SUMF1: variants seen among roughly 807,000 people sequenced by gnomAD.
SUMF1 encodes formylglycine-generating enzyme.
Under a neutral mutation model 47.6 loss-of-function variants are expected in SUMF1, and 48 were observed. That is an observed-to-expected ratio of 1.01 (90% CI 0.80 to 1.28). The LOEUF is 1.28. Among genes scored for constraint, SUMF1 ranks in the 50% most tolerant of loss-of-function variants. The pLI is 0.00. For missense variants in SUMF1, 571 were observed against 485.4 expected (o/e 1.18, Z -1.66); for synonymous variants, 230 against 192.1 (o/e 1.20, Z -1.63).
rs1459316965 is a variant in SUMF1, at chr3:4,304,953, G to A, written c.1014+71377C>T. Among the ~76,000 whole-genome samples, 7 of 151,810 alleles carry A rather than the reference G, an allele frequency of 4.6e-5. No individual in the cohort carries two copies. The East Asian group carries it at 1.2e-3, about 25-fold the overall frequency. ...CATGTACATGGGTTTGGTTCAGAAG[G>A]CGGGGCAACTCAAAGTGGTGGGGGG... is the stretch of plus-strand genomic sequence containing the variant. On this transcript the variant is annotated intron_variant and NMD_transcript_variant, in intron 8 of 12. Coordinates refer to the SUMF1 transcript ENST00000448413.
In SUMF1 at chr3:4,250,944, C is replaced by T. The variant is rs570248842; in HGVS notation, c.1014+125386G>A. ...TGAATGTTGTTTTCACACCTCCTAA[C>T]GATATTCATTCTGCATTCCATAGAT... On this transcript the variant is annotated intron_variant and NMD_transcript_variant, in intron 8 of 12. Transcript: ENST00000448413. Among the ~76,000 whole-genome samples the T allele has an allele frequency of 9.2e-5, 14 of 152,310 alleles. 1 individual carries two copies. The highest frequency in any genetic ancestry group is 2.0e-4 in the Admixed American group (3 of 15,306).
At chr3:4,335,094 A>G (rs17040374) in intron 8 of SUMF1, among the ~76,000 whole-genome samples, 5,367 of 152,228 alleles carry the variant, frequency 0.035, 297 homozygotes, top group African/African-American at 0.12. Context: ...TTCAGTTGAC[A>G]TAAGAGGGGA....
intron 8 of SUMF1, among the ~76,000 whole-genome samples, chr3:4,139,580 G>GTA (rs1227170864): frequency 3.5e-5 from 5 of 143,762 alleles, no homozygotes; most frequent in Admixed American, 7.0e-5. Flanking sequence ...GTGTGTGTGT[G>GTA]TATATATATA....
chr3:4,240,815 T>G (rs1234716263), intron 8 of SUMF1, among the ~76,000 whole-genome samples: 2 of 151,914 alleles, frequency 1.3e-5, no homozygotes, highest in Non-Finnish European at 2.9e-5. Flanking sequence ...TATTTTTATA[T>G]GTTTTTATAT....
intron 8 of SUMF1, among the ~76,000 whole-genome samples, chr3:4,160,633 T>C (rs924444427): frequency 1.3e-5 from 2 of 152,088 alleles, no homozygotes; most frequent in African/African-American, 4.8e-5. Context: ...AGTATGTCAA[T>C]TGCATTTTCA....
chr3:4,392,731 T>TTTTTG lies in SUMF1; in HGVS notation c.955-16347_955-16343dup, dbSNP rs532350111. On this transcript the variant is annotated intron_variant, in intron 7 of 8. Transcript: ENST00000272902. Reference sequence around the variant, plus strand: ...CTTGATTACCCTATTTTCCTGAAGGTTTTTGTTCTGTTTTGTTTTGTTTTG... The same window carrying TTTTTG: ...CTTGATTACCCTATTTTCCTGAAGGTTTTTGTTTTGTTCTGTTTTGTTTTGTTTTG... Among the ~76,000 whole-genome samples, 633 of 149,560 alleles carry TTTTTG rather than the reference T, an allele frequency of 4.2e-3. 7 individuals carry two copies. The highest frequency in any genetic ancestry group is 0.015 in the African/African-American group (598 of 40,988).
intron 8 of SUMF1, among the ~76,000 whole-genome samples, chr3:4,126,504 A>G (rs2125082556): frequency 6.6e-6 from 1 of 152,142 alleles, no homozygotes; most frequent in Admixed American, 6.6e-5. Flanking sequence ...CATCTACTAG[A>G]CTCACTACAT....
At position 4,176,695 on chromosome 3, in the gene SUMF1, C is replaced by A. The variant is rs144234041; in HGVS notation, c.1015-107950G>T. The stretch of plus-strand genomic sequence containing the variant: ...TCAAATTCACACATAACAACATTAA[C>A]CTTAAATGTAAATGGGCTAAATGCC... On this transcript the variant is annotated intron_variant and NMD_transcript_variant, in intron 8 of 12. Coordinates refer to the SUMF1 transcript ENST00000448413. 8.9e-3 allele frequency among the ~76,000 whole-genome samples: 1,362 copies of A among 152,226 alleles called. 18 individuals are homozygous for A. Among genetic ancestry groups the A allele is most frequent in the African/African-American group, 0.031 (1,275 of 41,530 alleles).
rs188474191 is a variant in SUMF1, at chr3:4,063,193, G to T, written c.1191+5376C>A. Among the ~76,000 whole-genome samples, 51 of 152,172 alleles carry T rather than the reference G, an allele frequency of 3.4e-4. No individual in the cohort carries two copies. The East Asian group carries it at 9.7e-3, about 29-fold the overall frequency. Reference sequence around the variant, plus strand: ...CAGTAGAGCGTTCAGGGCCTGGCTGGCATGGTAAATTTCTAAATGCCCACA... The same window carrying T: ...CAGTAGAGCGTTCAGGGCCTGGCTGTCATGGTAAATTTCTAAATGCCCACA... On this transcript the variant is annotated intron_variant and NMD_transcript_variant, in intron 9 of 12. Transcript: ENST00000448413.
intron 8 of SUMF1, among the ~76,000 whole-genome samples, chr3:4,120,964 C>T (rs1366788242): frequency 6.6e-6 from 1 of 152,090 alleles, no homozygotes; most frequent in East Asian, 1.9e-4. Context: ...AACCTAGTAT[C>T]AAGTTTGTGC....
At position 4,350,016 on chromosome 3, in the gene SUMF1, TC is replaced by T. The variant is rs1335758051; in HGVS notation, c.1014+26313del. ...CGTATTATTTTCTTTTTTTTTTTTT[TC>T]TGAGATGGAGTCTCGCTCTGTCGCC... On this transcript the variant is annotated intron_variant and NMD_transcript_variant, in intron 8 of 12. Coordinates refer to the SUMF1 transcript ENST00000448413. Among the ~76,000 whole-genome samples, 17 of 151,598 alleles carry T rather than the reference TC, an allele frequency of 1.1e-4. No homozygotes were observed. The East Asian group carries it at 3.3e-3, about 29-fold the overall frequency.
intron 7 of SUMF1, 149 bp from the exon 8 acceptor site, chr3:4,376,538 T>C: frequency 1.2e-6 from 1 of 805,790 alleles, no homozygotes; most frequent in Non-Finnish European, 2.1e-6. Context: ...GTATCTGTAT[T>C]CGTGGGCTCT....
At chr3:4,407,160 T>A (rs905787543) in intron 7 of SUMF1, among the ~76,000 whole-genome samples, 2 of 152,066 alleles carry the variant, frequency 1.3e-5, no homozygotes, top group East Asian at 3.8e-4. Flanking sequence ...ATACCTCATC[T>A]TCTCTCAGAT....
chr3:4,324,972 T>C lies in SUMF1; in HGVS notation c.1014+51358A>G, dbSNP rs74829607. Reference sequence around the variant, plus strand: ...CTTGGCTGGGAAGGCTTCACAATCATGTTGAAAGGTGAAAGGCACACCTTA... The same window carrying C: ...CTTGGCTGGGAAGGCTTCACAATCACGTTGAAAGGTGAAAGGCACACCTTA... On this transcript the variant is annotated intron_variant and NMD_transcript_variant, in intron 8 of 12. Transcript: ENST00000448413. 9.6e-3 allele frequency among the ~76,000 whole-genome samples: 1,459 copies of C among 152,180 alleles called. 19 individuals are homozygous for C. The highest frequency in any genetic ancestry group is 0.034 in the African/African-American group (1,404 of 41,510).
At chr3:4,313,598 C>T (rs370165380) in intron 8 of SUMF1, 15 of 1,613,900 alleles carry the variant, frequency 9.3e-6, no homozygotes, top group Non-Finnish European at 1.3e-5. Flanking sequence ...CTAAGGAAAC[C>T]TTGTTACTGT....
chr3:4,361,308 G>C lies in SUMF1; in HGVS notation c.*836C>G, dbSNP rs140229372. On this transcript the variant is annotated 3_prime_UTR_variant, in exon 9 of 9. Coordinates refer to ENST00000272902, the MANE Select transcript of SUMF1 (RefSeq NM_182760.4). ...TTTTCCCTATATCTAGAATTAAACA[G>C]GTTTCCCCGTTTAGCGCACATTTCA... is the stretch of plus-strand genomic sequence containing the variant. The C allele has an allele frequency of 1.4e-3, 220 of 152,704 alleles. 2 individuals are homozygous for C. The East Asian group carries it at 0.017, about 12-fold the overall frequency. The allele number at this position is 152,704 out of a possible 1,614,324, so 9.5% of individuals were successfully genotyped here.
intron 8 of SUMF1, among the ~76,000 whole-genome samples, chr3:4,135,972 AAG>A (rs1006936808): frequency 2.2e-4 from 33 of 152,244 alleles, no homozygotes; most frequent in Admixed American, 1.0e-3. Context: ...AATGAAATAA[AAG>A]AGGATACAAA....
intron 7 of SUMF1, among the ~76,000 whole-genome samples, chr3:4,381,816 G>C (rs1363100465): frequency 6.6e-6 from 1 of 152,178 alleles, no homozygotes; most frequent in Admixed American, 6.5e-5. Context: ...AGGCCAGTAT[G>C]GGAAGATTGC....
intron 8 of SUMF1, among the ~76,000 whole-genome samples, chr3:4,256,832 C>T (rs2125017973): frequency 2.1e-5 from 3 of 145,974 alleles, no homozygotes; most frequent in South Asian, 2.3e-4. Flanking sequence ...GACCAATATC[C>T]TTGATGAACA....
Sources: allele counts gnomAD v4.1 joint callset (sites outside exome capture counted in the v4.1 genomes callset), GRCh38; gene constraint gnomAD v4.1.1; transcripts MANE v1.5; gene names NCBI Gene and HGNC (gene_info 2026-07-23, HGNC 2026-07-21).